CNIH3: variants seen among roughly 807,000 people sequenced by gnomAD.
CNIH3 encodes protein cornichon homolog 3.
CNIH3 carries 14 observed loss-of-function variants against 24.1 expected under a neutral mutation model. The ratio of observed to expected loss-of-function variants is 0.58; its 90% CI spans 0.38 to 0.91. The LOEUF is 0.91. Ranked by LOEUF, CNIH3 falls within the 40% of genes least tolerant of loss-of-function variation. The pLI is 0.00. For synonymous variants in CNIH3, 68 were observed against 73.8 expected (o/e 0.92, Z 0.40); for missense variants, 178 against 196.8 (o/e 0.90, Z 0.57).
At chr1:224,459,951 A>G (rs1351294856) in intron 1 of CNIH3, among the ~76,000 whole-genome samples, 1 of 146,956 alleles carries the variant, frequency 6.8e-6, no homozygotes, top group Non-Finnish European at 1.5e-5. Context: ...TGCACAGCTC[A>G]CTGCAGCCTC....
At chr1:224,714,489 C>G (rs2125208347) in intron 3 of CNIH3, among the ~76,000 whole-genome samples, 1 of 152,316 alleles carries the variant, frequency 6.6e-6, no homozygotes, top group East Asian at 1.9e-4. Flanking sequence ...CACATGGAGC[C>G]TCGCTTGTCA....
intron 1 of CNIH3, among the ~76,000 whole-genome samples, chr1:224,643,016 C>G (rs1684433839): frequency 6.6e-6 from 1 of 152,138 alleles, no homozygotes; most frequent in African/African-American, 2.4e-5. Context: ...AAAGGGTCCT[C>G]CATTTCTGCC....
intron 1 of CNIH3, among the ~76,000 whole-genome samples, chr1:224,445,834 T>A (rs1456694713): frequency 6.6e-6 from 1 of 152,230 alleles, no homozygotes; most frequent in Non-Finnish European, 1.5e-5. Flanking sequence ...CTCAAGGGCA[T>A]AAATATATTC....
At chr1:224,501,096 T>A (rs1216844027) in intron 1 of CNIH3, among the ~76,000 whole-genome samples, 1 of 152,192 alleles carries the variant, frequency 6.6e-6, no homozygotes, top group Non-Finnish European at 1.5e-5. Flanking sequence ...CAGTAATCTT[T>A]TTTTTCATCT....
At chr1:224,532,702 A>T (rs1572425206) in intron 2 of CNIH3, among the ~76,000 whole-genome samples, 1 of 152,250 alleles carries the variant, frequency 6.6e-6, no homozygotes, top group East Asian at 1.9e-4. Context: ...GACCTTTTAA[A>T]TGATCTAGGA....
At chr1:224,682,559 C>T (rs1398755855) in intron 2 of CNIH3, among the ~76,000 whole-genome samples, 1 of 152,204 alleles carries the variant, frequency 6.6e-6, no homozygotes, top group Non-Finnish European at 1.5e-5. Context: ...ATTTCATGAA[C>T]TTATAACTAT....
intron 1 of CNIH3, among the ~76,000 whole-genome samples, chr1:224,470,041 C>G (rs893095128): frequency 1.7e-4 from 25 of 150,002 alleles, no homozygotes; most frequent in African/African-American, 5.6e-4. Flanking sequence ...TTTTTGGAGA[C>G]AGAGTCTCGC....
At chr1:224,665,533 C>T (rs1022670990) in intron 1 of CNIH3, among the ~76,000 whole-genome samples, 4 of 152,096 alleles carry the variant, frequency 2.6e-5, no homozygotes, top group African/African-American at 9.7e-5. Flanking sequence ...GATCCAGGTG[C>T]TTGGAATGCA....
At chr1:224,508,803 C>T (rs1441682804) in intron 1 of CNIH3, among the ~76,000 whole-genome samples, 1 of 152,072 alleles carries the variant, frequency 6.6e-6, no homozygotes, top group Non-Finnish European at 1.5e-5. Context: ...ATATGTATTC[C>T]TGTATTCTAG....
At chr1:224,571,910 G>A (rs968601176) in intron 4 of CNIH3, among the ~76,000 whole-genome samples, 1 of 152,176 alleles carries the variant, frequency 6.6e-6, no homozygotes, top group South Asian at 2.1e-4. Context: ...GTTCTAACTG[G>A]TGGGTTTAAA....
intron 2 of CNIH3, among the ~76,000 whole-genome samples, chr1:224,533,732 TATA>T (rs1362518791): frequency 6.6e-6 from 1 of 152,200 alleles, no homozygotes; most frequent in African/African-American, 2.4e-5. Flanking sequence ...CTCCTCTTTT[TATA>T]ATGACACCTG....
chr1:224,666,830 C>T (rs1208204424), intron 1 of CNIH3, among the ~76,000 whole-genome samples: 4 of 152,352 alleles, frequency 2.6e-5, no homozygotes, highest in South Asian at 2.1e-4. Flanking sequence ...GATCCCCCAA[C>T]GGTAGTCTTC....
At chr1:224,616,296 G>A, upstream of CNIH3, 1 of 218,468 alleles carries the variant, frequency 4.6e-6, no homozygotes, top group Non-Finnish European at 8.3e-6. Flanking sequence ...GGGAATCCCG[G>A]GTCGCACCGC....
At chr1:224,701,942 A>G (rs1435529146) in intron 3 of CNIH3, among the ~76,000 whole-genome samples, 1 of 152,194 alleles carries the variant, frequency 6.6e-6, no homozygotes, top group Non-Finnish European at 1.5e-5. Context: ...TGCAAAGTTG[A>G]TATGAAGAAA....
chr1:224,567,918 T>TCCA (rs1254415500), intron 4 of CNIH3, among the ~76,000 whole-genome samples: 2 of 152,194 alleles, frequency 1.3e-5, no homozygotes, highest in African/African-American at 4.8e-5. Context: ...TAGAGTCTGA[T>TCCA]CCTGTGGCAT....
At chr1:224,599,504 T>G (rs1018046936) in intron 3 of CNIH3, among the ~76,000 whole-genome samples, 1 of 152,138 alleles carries the variant, frequency 6.6e-6, no homozygotes, top group African/African-American at 2.4e-5. Context: ...ACATAATTTA[T>G]TGGACAATTT....
intron 1 of CNIH3, among the ~76,000 whole-genome samples, chr1:224,627,078 T>G (rs1266582226): frequency 5.3e-5 from 8 of 152,168 alleles, no homozygotes; most frequent in Non-Finnish European, 1.2e-4. Context: ...GTGTCCAATA[T>G]ATGTGTTCAC....
At chr1:224,516,151 CT>C (rs1302181452) in intron 1 of CNIH3, among the ~76,000 whole-genome samples, 1 of 151,710 alleles carries the variant, frequency 6.6e-6, no homozygotes, top group East Asian at 1.9e-4. Flanking sequence ...CCTGTCTCTA[CT>C]AAAAATACAA....
intron 3 of CNIH3, among the ~76,000 whole-genome samples, chr1:224,689,441 C>G (rs1160509053): frequency 6.6e-6 from 1 of 152,178 alleles, no homozygotes; most frequent in African/African-American, 2.4e-5. Context: ...CTTAGCATCC[C>G]CTCCCATTTT....
Sources: allele counts gnomAD v4.1 joint callset (sites outside exome capture counted in the v4.1 genomes callset), GRCh38; gene constraint gnomAD v4.1.1; transcripts MANE v1.5; gene names NCBI Gene and HGNC (gene_info 2026-07-23, HGNC 2026-07-21).